Variants in OR4K2 observed in about 807,000 individuals in gnomAD.
OR4K2 encodes the protein olfactory receptor family 4 subfamily K member 2.
Under a neutral mutation model 10.5 loss-of-function variants are expected in OR4K2, and 8 were observed. That is an observed-to-expected ratio of 0.76 (90% confidence interval 0.45 to 1.37). The LOEUF is 1.37. Among genes scored for constraint, OR4K2 ranks in the 40% most tolerant of loss-of-function variants. The probability of loss-of-function intolerance (pLI) is 0.00; values close to 1 mark genes in which losing one functional copy is unlikely to be tolerated. For synonymous variants in OR4K2, 178 were observed against 133.6 expected (o/e 1.33, Z -2.29); for missense variants, 547 against 379.5 (o/e 1.44, Z -3.67).
chr14:19,881,635 G>A lies in OR4K2; in HGVS notation c.*4423G>A, dbSNP rs539926547. The A allele has an allele frequency of 1.3e-3, 204 of 151,660 alleles. 1 individual carries two copies. The highest frequency in any genetic ancestry group is 4.7e-3 in the African/African-American group (195 of 41,278). 9.4% of individuals were successfully genotyped at this position (151,660 alleles called of 1,614,324 possible). A position where few individuals can be genotyped will look rare whatever the true frequency, so the allele number is the denominator to read the frequency against. Reference sequence around the variant, plus strand: ...ATTTTTTAAATTAAAAAATGTTCTCGGGCTGGAGGCTCCAGGTTTTTTTCC... The same window carrying A: ...ATTTTTTAAATTAAAAAATGTTCTCAGGCTGGAGGCTCCAGGTTTTTTTCC... On this transcript the variant is annotated 3_prime_UTR_variant, in exon 2 of 2. Coordinates refer to ENST00000641885, the MANE Select transcript of OR4K2 (RefSeq NM_001005501.2).
Position 19,880,486 on chromosome 14 carries a change from T to A in OR4K2, c.*3274T>A, listed in dbSNP as rs771201857. 6.6e-6 allele frequency: 1 copy of A among 152,262 alleles called. No individual in the cohort carries two copies. Among genetic ancestry groups the A allele is most frequent in the Non-Finnish European group, 1.5e-5 (1 of 68,038 alleles). 9.4% of individuals were successfully genotyped at this position (152,262 alleles called of 1,614,324 possible). On this transcript the variant is annotated 3_prime_UTR_variant, in exon 2 of 2. Transcript: ENST00000641885. ...GGATATCTTTGTTTATGGGACTTGA[T>A]AGTCTCTTGAGCTAACACTTGACTT...
In OR4K2 at chr14:19,877,120, A is replaced by G. The variant is rs369761954; in HGVS notation, c.853A>G (p.Ile285Val). The G allele has an allele frequency of 1.2e-6, 2 of 1,606,740 alleles. No homozygotes were observed. Among genetic ancestry groups the G allele is most frequent in the East Asian group, 2.2e-5 (1 of 44,874 alleles). Reference sequence around the variant, plus strand: ...CATCTTTACTCCCACTCTGAACCCAATAATCTATACTTTGAGGAATCAAGA... The same window carrying G: ...CATCTTTACTCCCACTCTGAACCCAGTAATCTATACTTTGAGGAATCAAGA... ...YTIFTPTLNP[I>V]IYTLRNQEVK... Residue 285 changes from isoleucine (I) to valine (V), a missense_variant, in exon 2 of 2, where the codon ATA (isoleucine) becomes GTA (valine). Transcript: ENST00000641885.
In OR4K2 at chr14:19,875,940, A is replaced by G. The variant is rs1374364480; in HGVS notation, c.-218A>G. 6.8e-6 allele frequency: 2 copies of G among 293,560 alleles called. No homozygotes were observed. The highest frequency in any genetic ancestry group is 4.5e-5 in the African/African-American group (2 of 44,432). The allele number at this position is 293,560 out of a possible 1,614,324, so 18.2% of individuals were successfully genotyped here. The stretch of plus-strand genomic sequence containing the variant: ...TACTGTTATCGTTAGACTTACACAG[A>G]TGAATAGATGGACAAATAGGTAGGT... On this transcript the variant is annotated 5_prime_UTR_variant, in exon 1 of 2. An upstream start codon of the reference 5' UTR is lost. Transcript: ENST00000641885.
rs917391483 is a variant in OR4K2 at position 19,880,020 on chromosome 14, C to A, written c.*2808C>A. 6.6e-6 allele frequency: 1 copy of A among 152,324 alleles called. No individual in the cohort carries two copies. Among genetic ancestry groups the A allele is most frequent in the African/African-American group, 2.4e-5 (1 of 41,464 alleles). 9.4% of individuals were successfully genotyped at this position (152,324 alleles called of 1,614,324 possible). A position where few individuals can be genotyped will look rare whatever the true frequency, so the allele number is the denominator to read the frequency against. On this transcript the variant is annotated 3_prime_UTR_variant, in exon 2 of 2. Coordinates refer to ENST00000641885, the MANE Select transcript of OR4K2 (RefSeq NM_001005501.2). ...AGATGGCTTTAAATTCAGCCCAACA[C>A]AAATTCATAAGCTTTCTTGAAACAT...
At position 19,876,544 on chromosome 14, in the gene OR4K2, TC is replaced by T. The variant is rs1231304951; in HGVS notation, c.278del (p.Ser93PhefsTer65). ...TTACCTAACAGGTCACAAAACCATC[TC>T]TTTTGATGGCTGCCTTACCCAGATA... is the stretch of plus-strand genomic sequence containing the variant. ...TDYLTGHKTI[S>X]FDGCLTQIFF... On this transcript the variant is annotated frameshift_variant, in exon 2 of 2. Transcript: ENST00000641885. LOFTEE classifies it high-confidence loss of function. 1.2e-6 allele frequency: 2 copies of T among 1,614,090 alleles called. No homozygotes were observed. Among genetic ancestry groups the T allele is most frequent in the East Asian group, 2.2e-5 (1 of 44,902 alleles).
Position 19,880,733 on chromosome 14 carries a change from T to C in OR4K2, c.*3521T>C, listed in dbSNP as rs1269029226. ...TGCTTAATCATTATGCTATTGCTTC[T>C]TTACAATGAATAAATATTAAATTGG... is the stretch of plus-strand genomic sequence containing the variant. On this transcript the variant is annotated 3_prime_UTR_variant, in exon 2 of 2. Transcript: ENST00000641885. 2.0e-5 allele frequency: 3 copies of C among 152,262 alleles called. No individual in the cohort carries two copies. Among genetic ancestry groups the C allele is most frequent in the African/African-American group, 7.2e-5 (3 of 41,482 alleles). 9.4% of individuals were successfully genotyped at this position (152,262 alleles called of 1,614,324 possible).
In OR4K2 at chr14:19,880,521, A is replaced by G; in HGVS notation, c.*3309A>G. 6.6e-6 allele frequency: 1 copy of G among 152,268 alleles called. No homozygotes were observed. The highest frequency in any genetic ancestry group is 1.9e-4 in the East Asian group (1 of 5,206). 9.4% of individuals were successfully genotyped at this position (152,268 alleles called of 1,614,324 possible). A position where few individuals can be genotyped will look rare whatever the true frequency, so the allele number is the denominator to read the frequency against. On this transcript the variant is annotated 3_prime_UTR_variant, in exon 2 of 2. Transcript: ENST00000641885. Reference sequence around the variant, plus strand: ...AGCTAACACTTGACTTGTTTAATTTAAAAGGTAAATTTTCATTTATATGTT... The same window carrying G: ...AGCTAACACTTGACTTGTTTAATTTGAAAGGTAAATTTTCATTTATATGTT...
chr14:19,876,231 T>TTG lies in OR4K2; in HGVS notation c.-23-13_-23-12insGT. 8.8e-7 allele frequency: 1 copy of TTG among 1,139,316 alleles called. No homozygotes were observed. Among genetic ancestry groups the TTG allele is most frequent in the Non-Finnish European group, 1.2e-6 (1 of 842,574 alleles). The allele number at this position is 1,139,316 out of a possible 1,614,324, so 70.6% of individuals were successfully genotyped here. On this transcript the variant is annotated splice_polypyrimidine_tract_variant and intron_variant, in intron 1 of 1. Transcript: ENST00000641885. The stretch of plus-strand genomic sequence containing the variant: ...TGACTTTCCTTTTTTTTTTTTTTTT[T>TTG]TTTCGTGATACAGGCTTCTGCCTAT...
In OR4K2 at chr14:19,875,935, C is replaced by A; in HGVS notation, c.-223C>A. 1 of 281,924 alleles carries A rather than the reference C, an allele frequency of 3.5e-6. No individual in the cohort carries two copies. Among genetic ancestry groups the A allele is most frequent in the South Asian group, 6.0e-5 (1 of 16,776 alleles). 17.5% of individuals were successfully genotyped at this position (281,924 alleles called of 1,614,324 possible). A position where few individuals can be genotyped will look rare whatever the true frequency, so the allele number is the denominator to read the frequency against. On this transcript the variant is annotated 5_prime_UTR_variant, in exon 1 of 2. Transcript: ENST00000641885. ...GTTCTTACTGTTATCGTTAGACTTA[C>A]ACAGATGAATAGATGGACAAATAGG...
chr14:19,875,504 G>C lies in OR4K2; in HGVS notation c.-654G>C, dbSNP rs1307266830. On this transcript the variant is annotated 5_prime_UTR_variant, in exon 1 of 2. Transcript: ENST00000641885. Reference sequence around the variant, plus strand: ...GAAAATGTTGTTATATATCCTTTGTGATATAAAATTTTAAATCATAGAATT... The same window carrying C: ...GAAAATGTTGTTATATATCCTTTGTCATATAAAATTTTAAATCATAGAATT... 6.6e-6 allele frequency: 1 copy of C among 152,156 alleles called. No individual in the cohort carries two copies. Among genetic ancestry groups the C allele is most frequent in the Non-Finnish European group, 1.5e-5 (1 of 68,020 alleles). 9.4% of individuals were successfully genotyped at this position (152,156 alleles called of 1,614,324 possible).
chr14:19,876,549 T>C lies in OR4K2; in HGVS notation c.282T>C (p.Phe94=), dbSNP rs200083532. The C allele has an allele frequency of 5.3e-5, 86 of 1,614,116 alleles. No individual in the cohort carries two copies. Among genetic ancestry groups the C allele is most frequent in the Non-Finnish European group, 6.3e-5 (74 of 1,180,026 alleles). Reference sequence around the variant, plus strand: ...TAACAGGTCACAAAACCATCTCTTTTGATGGCTGCCTTACCCAGATATTCT... The same window carrying C: ...TAACAGGTCACAAAACCATCTCTTTCGATGGCTGCCTTACCCAGATATTCT... ...DYLTGHKTIS[F]DGCLTQIFFL... is the part of the protein sequence containing the mutation. The change falls in exon 2 of 2, where the codon TTT becomes TTC. Residue 94 remains phenylalanine (F), a synonymous_variant. Coordinates refer to ENST00000641885, the MANE Select transcript of OR4K2 (RefSeq NM_001005501.2).
chr14:19,880,807 A>C lies in OR4K2; in HGVS notation c.*3595A>C, dbSNP rs1881017749. 6.6e-6 allele frequency: 1 copy of C among 152,252 alleles called. No homozygotes were observed. Among genetic ancestry groups the C allele is most frequent in the Non-Finnish European group, 1.5e-5 (1 of 68,036 alleles). The allele number at this position is 152,252 out of a possible 1,614,324, so 9.4% of individuals were successfully genotyped here. A position where few individuals can be genotyped will look rare whatever the true frequency, so the allele number is the denominator to read the frequency against. On this transcript the variant is annotated 3_prime_UTR_variant, in exon 2 of 2. Transcript: ENST00000641885. ...ACATTACAATTGTTGTCAGAATAAG[A>C]ATGATGTTTGACTCATATTATTAAG...
rs572570401 is a variant in OR4K2, at chr14:19,881,625, A to T, written c.*4413A>T. On this transcript the variant is annotated 3_prime_UTR_variant, in exon 2 of 2. Coordinates refer to ENST00000641885, the MANE Select transcript of OR4K2 (RefSeq NM_001005501.2). ...ATGAATACCTATTTTTTAAATTAAA[A>T]AATGTTCTCGGGCTGGAGGCTCCAG... 1 of 152,160 alleles carries T rather than the reference A, an allele frequency of 6.6e-6. No individual in the cohort carries two copies. The highest frequency in any genetic ancestry group is 2.1e-4 in the South Asian group (1 of 4,818). 9.4% of individuals were successfully genotyped at this position (152,160 alleles called of 1,614,324 possible). A position where few individuals can be genotyped will look rare whatever the true frequency, so the allele number is the denominator to read the frequency against.
At position 19,882,685 on chromosome 14, in the gene OR4K2, G is replaced by T. The variant is rs1317068965; in HGVS notation, c.*5473G>T. The T allele has an allele frequency of 6.6e-6, 1 of 152,144 alleles. No homozygotes were observed. The highest frequency in any genetic ancestry group is 2.4e-5 in the African/African-American group (1 of 41,410). 9.4% of individuals were successfully genotyped at this position (152,144 alleles called of 1,614,324 possible). A position where few individuals can be genotyped will look rare whatever the true frequency, so the allele number is the denominator to read the frequency against. On this transcript the variant is annotated 3_prime_UTR_variant, in exon 2 of 2. Coordinates refer to ENST00000641885, the MANE Select transcript of OR4K2 (RefSeq NM_001005501.2). ...TATTTGCATTTCTTTTCAGTTTCAT[G>T]AATACATATATACTCAAATATACAT...
rs1880917106 is a variant in OR4K2 at position 19,876,842 on chromosome 14, C to CT, written c.577dup (p.Tyr193LeufsTer24). On this transcript the variant is annotated frameshift_variant, in exon 2 of 2. Coordinates refer to ENST00000641885, the MANE Select transcript of OR4K2 (RefSeq NM_001005501.2). LOFTEE classifies it high-confidence loss of function. ...GTGTTCCAGTTGGCTTGTGTGGATA[C>CT]TTATGTTCTGGGCCTCTTTATGATC... The CT allele has an allele frequency of 6.2e-7, 1 of 1,614,074 alleles. No individual in the cohort carries two copies. The highest frequency in any genetic ancestry group is 8.5e-7 in the Non-Finnish European group (1 of 1,180,010).
At position 19,877,213 on chromosome 14, in the gene OR4K2, T is replaced by C; in HGVS notation, c.*1T>C. 1 of 1,543,622 alleles carries C rather than the reference T, an allele frequency of 6.5e-7. No homozygotes were observed. The highest frequency in any genetic ancestry group is 2.2e-5 in the East Asian group (1 of 44,668). On this transcript the variant is annotated 3_prime_UTR_variant, in exon 2 of 2. Coordinates refer to ENST00000641885, the MANE Select transcript of OR4K2 (RefSeq NM_001005501.2). ...TTTTAATAAGGCAATGCCTTCATAG[T>C]TTTTGTGACACAGAACATTAGACAC...
Position 19,883,388 on chromosome 14 carries a change from G to A in OR4K2, c.*6176G>A, listed in dbSNP as rs544420288. ...CCTATTCTCTGAATTCTGGCGTGTT[G>A]GCAAGTTTCTTTGAAACATTTATGT... On this transcript the variant is annotated 3_prime_UTR_variant, in exon 2 of 2. Transcript: ENST00000641885. 1 of 152,322 alleles carries A rather than the reference G, an allele frequency of 6.6e-6. No homozygotes were observed. Among genetic ancestry groups the A allele is most frequent in the South Asian group, 2.1e-4 (1 of 4,826 alleles). The allele number at this position is 152,322 out of a possible 1,614,324, so 9.4% of individuals were successfully genotyped here. A position where few individuals can be genotyped will look rare whatever the true frequency, so the allele number is the denominator to read the frequency against.
At position 19,875,252 on chromosome 14, in the gene OR4K2, A is replaced by G. The variant is rs1880864201; in HGVS notation, c.-906A>G. On this transcript the variant is annotated 5_prime_UTR_variant, in exon 1 of 2. Transcript: ENST00000641885. ...ATGCTCTGTCAGAAGCCTACTTAAC[A>G]CTGAATAATCTAAAGCCCTGGTTCT... The G allele has an allele frequency of 6.6e-6, 1 of 152,240 alleles. No homozygotes were observed. The highest frequency in any genetic ancestry group is 2.4e-5 in the African/African-American group (1 of 41,458). 9.4% of individuals were successfully genotyped at this position (152,240 alleles called of 1,614,324 possible).
chr14:19,882,661 A>G lies in OR4K2; in HGVS notation c.*5449A>G, dbSNP rs1881065376. ...AACCATTACCCTGACTTAATAAATT[A>G]TTTGCATTTCTTTTCAGTTTCATGA... On this transcript the variant is annotated 3_prime_UTR_variant, in exon 2 of 2. Coordinates refer to ENST00000641885, the MANE Select transcript of OR4K2 (RefSeq NM_001005501.2). The G allele has an allele frequency of 6.6e-6, 1 of 152,204 alleles. No homozygotes were observed. Among genetic ancestry groups the G allele is most frequent in the Non-Finnish European group, 1.5e-5 (1 of 68,050 alleles). 9.4% of individuals were successfully genotyped at this position (152,204 alleles called of 1,614,324 possible).
Sources: allele counts gnomAD v4.1 joint callset, GRCh38; gene constraint gnomAD v4.1.1; transcripts MANE v1.5; gene names NCBI Gene and HGNC (gene_info 2026-07-23, HGNC 2026-07-21).